The following NR3C2 variants were observed in gnomAD, a reference collection of about 807,000 sequenced individuals.
NR3C2 encodes the protein mineralocorticoid receptor.
In NR3C2, 15 loss-of-function variants were observed where a neutral mutation model predicts 86.4. The observed-to-expected ratio is 0.17, with a 90% CI of 0.12 to 0.27. The LOEUF (loss-of-function observed/expected upper bound fraction) is 0.27, where lower values mean the gene tolerates loss of function less well. NR3C2 is among the 10% of genes least tolerant of loss of function. The pLI is 1.00. For missense variants in NR3C2, 960 were observed against 1,195.6 expected (o/e 0.80, Z 2.91); for synonymous variants, 458 against 450.5 (o/e 1.02, Z -0.21).
intron 3 of NR3C2, among the ~76,000 whole-genome samples, chr4:148,205,105 T>G (rs112364443): frequency 2.5e-4 from 38 of 152,168 alleles, no homozygotes; most frequent in Non-Finnish European, 4.0e-4. Flanking sequence ...GGGTCCTTAT[T>G]TGCCATCTCA....
At chr4:148,437,519 A>C (rs6822758) in intron 1 of NR3C2, among the ~76,000 whole-genome samples, 1 of 152,220 alleles carries the variant, frequency 6.6e-6, no homozygotes, top group Non-Finnish European at 1.5e-5. Context: ...GAAAAGATCT[A>C]TACATTCTGA....
upstream of NR3C2, chr4:148,444,783 C>G: frequency 1.0e-6 from 1 of 985,000 alleles, no homozygotes. Flanking sequence ...CCCCCAGCGG[C>G]GGCGGCCGGG....
intron 2 of NR3C2, among the ~76,000 whole-genome samples, chr4:148,425,404 A>T (rs1749477976): frequency 6.6e-6 from 1 of 152,198 alleles, no homozygotes. Flanking sequence ...GGGGATGACC[A>T]CTTTCAATAA....
In NR3C2 at chr4:148,154,919, T is replaced by C. The variant is rs1734289749; in HGVS notation, c.2015-18A>G. 3 of 1,535,134 alleles carry C rather than the reference T, an allele frequency of 2.0e-6. No individual in the cohort carries two copies. Among genetic ancestry groups the C allele is most frequent in the Admixed American group, 2.0e-5 (1 of 51,028 alleles). On this transcript the variant is annotated intron_variant, in intron 4 of 8. Coordinates refer to ENST00000358102, the MANE Select transcript of NR3C2 (RefSeq NM_000901.5). ...CTTTCGTGCTATAAGAAACCATAAA[T>C]GATAAGGCCAAATTAAAATTATGTT...
chr4:148,136,546 C>T (rs1353951167), intron 6 of NR3C2, among the ~76,000 whole-genome samples: 1 of 152,216 alleles, frequency 6.6e-6, no homozygotes, highest in Non-Finnish European at 1.5e-5. Context: ...ACCCACTTCA[C>T]TATACCCATC....
At chr4:148,254,971 G>C (rs1426057645) in intron 3 of NR3C2, among the ~76,000 whole-genome samples, 1 of 152,064 alleles carries the variant, frequency 6.6e-6, no homozygotes, top group East Asian at 1.9e-4. Context: ...TAAGGAGATA[G>C]CTATATTTGA....
At chr4:148,369,313 C>T (rs996206208) in intron 2 of NR3C2, among the ~76,000 whole-genome samples, 11 of 152,128 alleles carry the variant, frequency 7.2e-5, no homozygotes, top group African/African-American at 1.9e-4. Flanking sequence ...TCTTAAAGTA[C>T]CCATAACATG....
chr4:148,295,865 T>G (rs1381799278), intron 2 of NR3C2, among the ~76,000 whole-genome samples: 1 of 151,900 alleles, frequency 6.6e-6, no homozygotes, highest in Non-Finnish European at 1.5e-5. Context: ...CTGCCTACCT[T>G]ACCCACACAA....
intron 2 of NR3C2, among the ~76,000 whole-genome samples, chr4:148,349,789 A>G (rs956208313): frequency 6.6e-6 from 1 of 152,156 alleles, no homozygotes; most frequent in East Asian, 1.9e-4. Context: ...ATTACTTGCT[A>G]AATTTCTTTG....
At chr4:148,432,456 G>T (rs956334770) in intron 2 of NR3C2, among the ~76,000 whole-genome samples, 1 of 152,080 alleles carries the variant, frequency 6.6e-6, no homozygotes, top group African/African-American at 2.4e-5. Flanking sequence ...CCATTGATCT[G>T]TGTTCCATTT....
chr4:148,266,817 G>A (rs1356426887), intron 2 of NR3C2, among the ~76,000 whole-genome samples: 1 of 152,230 alleles, frequency 6.6e-6, no homozygotes, highest in African/African-American at 2.4e-5. Flanking sequence ...ATAATGGTGT[G>A]AAGTAGGGTA....
At chr4:148,389,267 A>T (rs1251040596) in intron 2 of NR3C2, among the ~76,000 whole-genome samples, 2 of 151,926 alleles carry the variant, frequency 1.3e-5, no homozygotes, top group Non-Finnish European at 2.9e-5. Context: ...AAACAAAAAT[A>T]AAAAAAAGGG....
chr4:148,229,815 G>A (rs1738368736), intron 3 of NR3C2, among the ~76,000 whole-genome samples: 1 of 152,194 alleles, frequency 6.6e-6, no homozygotes, highest in South Asian at 2.1e-4. Flanking sequence ...GGACATTGTA[G>A]TGGACATTAT....
At chr4:148,144,580 G>GT (rs1733777013) in intron 6 of NR3C2, among the ~76,000 whole-genome samples, 1 of 152,124 alleles carries the variant, frequency 6.6e-6, no homozygotes, top group Non-Finnish European at 1.5e-5. Flanking sequence ...AGAAGTAGGG[G>GT]AAAGGAGGGA....
intron 4 of NR3C2, among the ~76,000 whole-genome samples, chr4:148,167,977 G>A (rs925666878): frequency 6.6e-6 from 1 of 152,226 alleles, no homozygotes; most frequent in Non-Finnish European, 1.5e-5. Context: ...ACCTAATGCT[G>A]TTTTCTCTGG....
Position 148,100,763 on chromosome 4 carries a change from C to T in NR3C2, c.2799+13341G>A, listed in dbSNP as rs1731499765. The stretch of plus-strand genomic sequence containing the variant: ...GCAGAGTCTCAAAGAGATATTTATA[C>T]ATCCATGTTCATAGCAGCACTATTC... On this transcript the variant is annotated intron_variant, in intron 8 of 8. Transcript: ENST00000358102. 1.3e-5 allele frequency among the ~76,000 whole-genome samples: 2 copies of T among 152,242 alleles called. 1 individual carries two copies. Among genetic ancestry groups the T allele is most frequent in the South Asian group, 4.1e-4 (2 of 4,834 alleles).
At chr4:148,130,063 G>A (rs1347582537) in intron 6 of NR3C2, among the ~76,000 whole-genome samples, 2 of 152,000 alleles carry the variant, frequency 1.3e-5, no homozygotes, top group Non-Finnish European at 2.9e-5. Flanking sequence ...TAGTTTTACC[G>A]TATCTGTGTT....
chr4:148,213,811 G>A (rs1047647103), intron 3 of NR3C2, among the ~76,000 whole-genome samples: 1 of 152,164 alleles, frequency 6.6e-6, no homozygotes, highest in South Asian at 2.1e-4. Flanking sequence ...AATACGCCAC[G>A]AAACTACAGT....
At chr4:148,307,481 G>T (rs780761023) in intron 2 of NR3C2, among the ~76,000 whole-genome samples, 6 of 152,176 alleles carry the variant, frequency 3.9e-5, no homozygotes, top group Non-Finnish European at 7.3e-5. Context: ...AAGAGGCTCA[G>T]AGAATGTGAG....
Sources: gnomAD v4.1 joint callset for allele counts (sites outside exome capture counted in the v4.1 genomes callset) on GRCh38, gnomAD v4.1.1 for gene constraint, MANE v1.5 for transcripts, NCBI Gene and HGNC (gene_info 2026-07-23, HGNC 2026-07-21) for gene names.